Variants in TSPAN32 observed in about 807,000 individuals in gnomAD.
The protein encoded by TSPAN32 is tetraspanin-32.
Under a neutral mutation model 42.7 loss-of-function variants are expected in TSPAN32, and 47 were observed. That is an observed-to-expected ratio of 1.10 (90% CI 0.87 to 1.40). TSPAN32 has a LOEUF of 1.40. Ranked by LOEUF, TSPAN32 falls within the 40% of genes most tolerant of loss-of-function variation. The pLI is 0.00. For missense variants in TSPAN32, 469 were observed against 424.1 expected (o/e 1.11, Z -0.93); for synonymous variants, 175 against 175.9 (o/e 0.99, Z 0.04).
chr11:2,304,257 G>C lies in TSPAN32; in HGVS notation c.279+53G>C, dbSNP rs1312282568. On this transcript the variant is annotated intron_variant, in intron 3 of 9. Coordinates refer to ENST00000182290, the MANE Select transcript of TSPAN32 (RefSeq NM_139022.3). The surrounding 1 kb of genome is among the most constrained non-coding windows in gnomAD (Gnocchi z 4.8). ...AGGCCCCCAGAAAAGAATTAGAAAG[G>C]AGTGAAGAGCTGGCAGGGCTGTGTG... 3.7e-6 allele frequency: 5 copies of C among 1,334,626 alleles called. No homozygotes were observed. The highest frequency in any genetic ancestry group is 1.0e-6 in the Non-Finnish European group (1 of 986,870). 82.7% of individuals were successfully genotyped at this position (1,334,626 alleles called of 1,614,324 possible). A position where few individuals can be genotyped will look rare whatever the true frequency, so the allele number is the denominator to read the frequency against.
In TSPAN32 at chr11:2,304,871, T is replaced by A. The variant is rs1166473511; in HGVS notation, c.279+667T>A. Among the ~76,000 whole-genome samples the A allele has an allele frequency of 6.6e-6, 1 of 152,120 alleles. No homozygotes were observed. Among genetic ancestry groups the A allele is most frequent in the African/African-American group, 2.4e-5 (1 of 41,430 alleles). ...CCTGGCGGCAGCCTCCCCACGCCTG[T>A]CCTGCCCCTGCTAGGCCCACAGCCC... On this transcript the variant is annotated intron_variant, in intron 3 of 9. Transcript: ENST00000182290. The surrounding 1 kb of genome is among the most constrained non-coding windows in gnomAD (Gnocchi z 4.8).
intron 3 of TSPAN32, among the ~76,000 whole-genome samples, chr11:2,308,070 G>C (rs546273154): frequency 6.6e-6 from 1 of 152,294 alleles, no homozygotes; most frequent in East Asian, 1.9e-4. Flanking sequence ...AGCAGCCCCA[G>C]TGGGCAGAGG....
intron 8 of TSPAN32, 22 bp downstream of exon 8, chr11:2,316,689 C>T (rs756164881): frequency 6.6e-7 from 1 of 1,517,092 alleles, no homozygotes; most frequent in Admixed American, 2.2e-5. Context: ...TGCCTGCCCC[C>T]ACACCCTCTG....
chr11:2,304,165 T>G lies in TSPAN32; in HGVS notation c.240T>G (p.Ala80=), dbSNP rs1049733647. 5 of 1,588,170 alleles carry G rather than the reference T, an allele frequency of 3.1e-6. No homozygotes were observed. The highest frequency in any genetic ancestry group is 1.7e-6 in the Non-Finnish European group (2 of 1,167,706). Residue 80 remains alanine, a synonymous_variant, in exon 3 of 10, where the codon GCT becomes GCG. Coordinates refer to ENST00000182290, the MANE Select transcript of TSPAN32 (RefSeq NM_139022.3). The surrounding 1 kb of genome is among the most constrained non-coding windows in gnomAD (Gnocchi z 4.8). ...GLLTLGAVLS[A]AATVREAQGL... is the part of the protein sequence containing the mutation. Reference sequence around the variant, plus strand: ...TGACTCTGGGAGCCGTGCTGAGCGCTGCAGCCACCGTGAGGGAGGCCCAGG... The same window carrying G: ...TGACTCTGGGAGCCGTGCTGAGCGCGGCAGCCACCGTGAGGGAGGCCCAGG...
chr11:2,315,260 C>A, intron 6 of TSPAN32: 1 of 1,194,614 alleles, frequency 8.4e-7, no homozygotes, highest in Admixed American at 3.7e-5. Flanking sequence ...AGGCACCTGG[C>A]GACCCTCCAA....
intron 1 of TSPAN32, 177 bp from the exon 2 acceptor site, chr11:2,302,667 G>C (rs981892478): frequency 9.9e-6 from 6 of 608,604 alleles, no homozygotes; most frequent in Admixed American, 5.6e-5. Flanking sequence ...GTGCTGGGGC[G>C]TCTGCAGTGA....
intron 5 of TSPAN32, among the ~76,000 whole-genome samples, chr11:2,314,162 T>TAAAAAAAAA (rs34185560): frequency 7.3e-6 from 1 of 137,702 alleles, no homozygotes; most frequent in Non-Finnish European, 1.5e-5. Context: ...GTCTCTACTT[T>TAAAAAAAAA]AAAAAAAAAA....
At chr11:2,314,888 T>C in intron 6 of TSPAN32, 1 of 406,312 alleles carries the variant, frequency 2.5e-6, no homozygotes, top group Non-Finnish European at 4.6e-6. Flanking sequence ...CAAGGCCAGC[T>C]AAGTCCACAG....
rs1848825736 is a variant in TSPAN32, at chr11:2,316,787, A to AGCTTGGCT, written c.719+121_719+122insCTTGGCTG. ...GGACCAAGCCCCAGGCTGACACTGT[A>AGCTTGGCT]GAGGAAACGCTTTGGGGGTGGCTGA... is the stretch of plus-strand genomic sequence containing the variant. On this transcript the variant is annotated intron_variant, in intron 8 of 9. Transcript: ENST00000182290. 93 of 1,119,596 alleles carry AGCTTGGCT rather than the reference A, an allele frequency of 8.3e-5. 4 individuals are homozygous for AGCTTGGCT. In the South Asian group the frequency reaches 1.6e-3, roughly 19 times the overall value. The allele number at this position is 1,119,596 out of a possible 1,614,324, so 69.4% of individuals were successfully genotyped here.
Position 2,313,707 on chromosome 11 carries a change from A to C in TSPAN32, c.408A>C (p.Lys136Asn), listed in dbSNP as rs895669209. Residue 136 changes from lysine to asparagine, a missense_variant, in exon 5 of 10, where the codon AAA (lysine) becomes AAC (asparagine). Transcript: ENST00000182290. This position sits in a 1 kb window ranked among gnomAD's most constrained non-coding sequence, Gnocchi z 9.1. ...TYDLVYEQAM[K>N]GTSHVRRQEL... ...ACCTGGTATATGAGCAGGCGATGAA[A>C]GGTACGTCCCACGTCCGGCGGCAGG... The C allele has an allele frequency of 5.0e-6, 8 of 1,608,782 alleles. No homozygotes were observed. Among genetic ancestry groups the C allele is most frequent in the Non-Finnish European group, 6.8e-6 (8 of 1,178,428 alleles).
chr11:2,306,549 G>A (rs1220159685), intron 3 of TSPAN32, among the ~76,000 whole-genome samples: 1 of 142,148 alleles, frequency 7.0e-6, no homozygotes, highest in Non-Finnish European at 1.5e-5. Flanking sequence ...TGGGGGGAGA[G>A]AGAGAAAGAG....
chr11:2,314,699 C>T (rs1262162104), intron 6 of TSPAN32, 128 bp downstream of exon 6: 39 of 705,342 alleles, frequency 5.5e-5, no homozygotes, highest in Admixed American at 4.8e-4. Context: ...TGGGAACTGC[C>T]GCTGAAGGGC....
chr11:2,305,377 C>CA (rs1554938633), intron 3 of TSPAN32, among the ~76,000 whole-genome samples: 5 of 143,604 alleles, frequency 3.5e-5, no homozygotes, highest in African/African-American at 5.6e-5. Flanking sequence ...TCTGCCCCCC[C>CA]CCCCAGAGGG....
At chr11:2,303,135 G>A (rs188708771) in intron 2 of TSPAN32, 177 bp downstream of exon 2, 64 of 594,808 alleles carry the variant, frequency 1.1e-4, no homozygotes, top group African/African-American at 8.4e-4. Flanking sequence ...GCAGGGCCTC[G>A]GGTCTGGGTG....
At chr11:2,309,014 G>A (rs924330231) in intron 4 of TSPAN32, among the ~76,000 whole-genome samples, 1 of 152,148 alleles carries the variant, frequency 6.6e-6, no homozygotes, top group East Asian at 2.0e-4. Context: ...AGGGCCAGCA[G>A]CTCCCTGGTG....
chr11:2,315,763 C>T (rs1848748417), intron 6 of TSPAN32: 13 of 1,256,830 alleles, frequency 1.0e-5, no homozygotes, highest in Non-Finnish European at 1.3e-5. Context: ...GCACTGGAAG[C>T]CTGGGATGGA....
chr11:2,314,172 A>AG (rs1264478190), intron 5 of TSPAN32, among the ~76,000 whole-genome samples: 1 of 151,182 alleles, frequency 6.6e-6, no homozygotes, highest in Non-Finnish European at 1.5e-5. Flanking sequence ...TAAAAAAAAA[A>AG]AAAAAAGAAA....
chr11:2,317,535 C>T lies in TSPAN32; in HGVS notation c.901+10C>T. 1 of 1,566,720 alleles carries T rather than the reference C, an allele frequency of 6.4e-7. No homozygotes were observed. The highest frequency in any genetic ancestry group is 1.8e-5 in the Admixed American group (1 of 54,338). On this transcript the variant is annotated intron_variant, in intron 9 of 9. Transcript: ENST00000182290. This position sits in a 1 kb window ranked among gnomAD's most constrained non-coding sequence, Gnocchi z 6.2. ...CTGGCTGCCCACAGAGGTGAAGACG[C>T]CCCTGCTGTCAGCCCTCATGGGATC...
rs1848629731 is a variant in TSPAN32 at position 2,313,970 on chromosome 11, A to C, written c.456+215A>C. ...CTACCAGATTCTCGAGGCCCAGTGC[A>C]AAACGAGAGGGCAGGGCCCTGTATT... On this transcript the variant is annotated intron_variant, in intron 5 of 9. Coordinates refer to ENST00000182290, the MANE Select transcript of TSPAN32 (RefSeq NM_139022.3). The surrounding 1 kb of genome is among the most constrained non-coding windows in gnomAD (Gnocchi z 9.1). Among the ~76,000 whole-genome samples, 1 of 152,098 alleles carries C rather than the reference A, an allele frequency of 6.6e-6. No homozygotes were observed. The highest frequency in any genetic ancestry group is 2.4e-5 in the African/African-American group (1 of 41,422).
Sources: allele counts gnomAD v4.1 joint callset (sites outside exome capture counted in the v4.1 genomes callset), GRCh38; gene constraint gnomAD v4.1.1; non-coding constraint Gnocchi (gnomAD v3.1); transcripts MANE v1.5; gene names NCBI Gene and HGNC (gene_info 2026-07-23, HGNC 2026-07-21).